The following TUB variants were observed in gnomAD, a reference collection of about 807,000 sequenced individuals.
TUB encodes TUB bipartite transcription factor, also known as tubby protein homolog.
Under a neutral mutation model 59.7 loss-of-function variants are expected in TUB, and 33 were observed. The ratio of observed to expected loss-of-function variants is 0.55; its 90% CI spans 0.42 to 0.74. TUB has a LOEUF of 0.74. Ranked by LOEUF, TUB falls within the 30% of genes least tolerant of loss-of-function variation. The probability of loss-of-function intolerance (pLI) is 0.00; values close to 1 mark genes in which losing one functional copy is unlikely to be tolerated. For missense variants in TUB, 659 were observed against 672.0 expected (o/e 0.98, Z 0.21); for synonymous variants, 293 against 256.4 (o/e 1.14, Z -1.36).
chr11:8,035,005 A>G (rs1009759183), upstream of TUB, among the ~76,000 whole-genome samples: 1 of 152,206 alleles, frequency 6.6e-6, no homozygotes, highest in Non-Finnish European at 1.5e-5. Flanking sequence ...TTGTCGCATG[A>G]TGCGTTTTCA....
chr11:8,062,748 G>A (rs1238096912), intron 2 of TUB, among the ~76,000 whole-genome samples: 3 of 152,028 alleles, frequency 2.0e-5, no homozygotes, highest in African/African-American at 7.2e-5. Flanking sequence ...GCAGGGCCCA[G>A]GAATCTTTAT....
chr11:8,051,280 T>A (rs546662426), intron 2 of TUB, among the ~76,000 whole-genome samples: 1 of 152,224 alleles, frequency 6.6e-6, no homozygotes, highest in African/African-American at 2.4e-5. Context: ...GTAAACTGTT[T>A]TGTCATCTAA....
At chr11:8,067,588 T>C (rs1351310624) in intron 2 of TUB, 1 of 152,228 alleles carries the variant, frequency 6.6e-6, no homozygotes, top group African/African-American at 2.4e-5. Context: ...CAAATATTTA[T>C]TAAACTCCTG....
chr11:8,057,715 T>C (rs954153124), intron 2 of TUB, among the ~76,000 whole-genome samples: 15 of 152,052 alleles, frequency 9.9e-5, no homozygotes, highest in Non-Finnish European at 5.9e-5. Flanking sequence ...CTGGGGAGTT[T>C]CTTCAGACCC....
intron 2 of TUB, among the ~76,000 whole-genome samples, chr11:8,073,340 G>T (rs953733957): frequency 6.6e-6 from 1 of 152,134 alleles, no homozygotes; most frequent in African/African-American, 2.4e-5. Flanking sequence ...TGCATTTCAG[G>T]GACTGATTCC....
intron 1 of TUB, among the ~76,000 whole-genome samples, chr11:8,023,530 A>G (rs1047858370): frequency 5.3e-5 from 8 of 152,170 alleles, no homozygotes. Context: ...AGAAATCTAT[A>G]TCTTCAACTC....
In TUB at chr11:8,097,440, G is replaced by C; in HGVS notation, c.885+15G>C. ...ATGGGAAGAAGGTAAGGTTGGTCTG[G>C]GCATGTTATCATCTAGGCTTTACAG... On this transcript the variant is annotated intron_variant, in intron 7 of 11. Coordinates refer to ENST00000299506, the MANE Select transcript of TUB (RefSeq NM_177972.3). 1 of 1,614,186 alleles carries C rather than the reference G, an allele frequency of 6.2e-7. No homozygotes were observed. Among genetic ancestry groups the C allele is most frequent in the East Asian group, 2.2e-5 (1 of 44,890 alleles).
chr11:8,058,923 T>C (rs1412867882), intron 2 of TUB, among the ~76,000 whole-genome samples: 1 of 152,236 alleles, frequency 6.6e-6, no homozygotes, highest in African/African-American at 2.4e-5. Flanking sequence ...ATACATCCTT[T>C]GTGTCAGTAA....
At chr11:8,088,650 A>C (rs10743050) in intron 1 of TUB, among the ~76,000 whole-genome samples, 112,492 of 152,204 alleles carry the variant, frequency 0.74, 44,179 homozygotes, top group East Asian at 0.94. Flanking sequence ...CAGAGCTCAG[A>C]TCCTCAGGCT....
intron 2 of TUB, among the ~76,000 whole-genome samples, chr11:8,069,797 C>G (rs915762036): frequency 1.1e-4 from 16 of 152,142 alleles, no homozygotes; most frequent in African/African-American, 3.9e-4. Context: ...CATGGGCATC[C>G]ACACAGGTCA....
At chr11:8,044,023 G>A (rs1421154517) in intron 2 of TUB, among the ~76,000 whole-genome samples, 2 of 150,256 alleles carry the variant, frequency 1.3e-5, no homozygotes, top group African/African-American at 2.5e-5. Flanking sequence ...TCTCTTTATC[G>A]TTGGCTTTCA....
At chr11:8,091,289 CCA>C (rs1399594025) in intron 3 of TUB, among the ~76,000 whole-genome samples, 1 of 152,136 alleles carries the variant, frequency 6.6e-6, no homozygotes, top group Middle Eastern at 3.2e-3. Flanking sequence ...TGCCTGGTGC[CCA>C]GTTTGTGGCT....
rs1331422416 is a variant in TUB at position 8,097,840 on chromosome 11, C to T, written c.998+14C>T. On this transcript the variant is annotated intron_variant, in intron 8 of 11. Coordinates refer to ENST00000299506, the MANE Select transcript of TUB (RefSeq NM_177972.3). ...CGGGAAACTGCGGTACTAGCATTCC[C>T]CCAGGAAGCAGGCGGGAGTGGGAGG... The T allele has an allele frequency of 1.2e-6, 2 of 1,608,150 alleles. No individual in the cohort carries two copies. The highest frequency in any genetic ancestry group is 4.5e-5 in the East Asian group (2 of 44,842).
At chr11:8,081,755 C>A (rs1208124388) in intron 1 of TUB, among the ~76,000 whole-genome samples, 1 of 152,218 alleles carries the variant, frequency 6.6e-6, no homozygotes, top group African/African-American at 2.4e-5. Context: ...CCTTATCTGC[C>A]AGGGTTGCTG....
upstream of TUB, among the ~76,000 whole-genome samples, chr11:8,036,254 G>A (rs76880929): frequency 9.3e-4 from 141 of 152,202 alleles, 1 homozygote; most frequent in African/African-American, 3.3e-3. Flanking sequence ...TGCCCTGCCT[G>A]TTCCACTCTG....
intron 2 of TUB, among the ~76,000 whole-genome samples, chr11:8,057,824 G>T (rs754985734): frequency 6.6e-6 from 1 of 152,126 alleles, no homozygotes; most frequent in Admixed American, 6.5e-5. Flanking sequence ...AAAACTCTTG[G>T]TGGGCTTTTG....
chr11:8,044,301 C>T (rs916753830), intron 2 of TUB, among the ~76,000 whole-genome samples: 6 of 152,110 alleles, frequency 3.9e-5, no homozygotes, highest in Admixed American at 1.3e-4. Flanking sequence ...TTTGAATTTA[C>T]GAATCTTTGC....
At chr11:8,085,193 A>G (rs2133822506) in intron 1 of TUB, among the ~76,000 whole-genome samples, 1 of 152,298 alleles carries the variant, frequency 6.6e-6, no homozygotes, top group East Asian at 1.9e-4. Flanking sequence ...TTCTTTAGAG[A>G]TCACCAGCTG....
intron 2 of TUB, among the ~76,000 whole-genome samples, chr11:8,072,971 A>C (rs926867219): frequency 6.6e-6 from 1 of 152,246 alleles, no homozygotes; most frequent in African/African-American, 2.4e-5. Flanking sequence ...GAGAACGTTT[A>C]GTGCTAAAAG....
Sources: allele counts gnomAD v4.1 joint callset (sites outside exome capture counted in the v4.1 genomes callset), GRCh38; gene constraint gnomAD v4.1.1; transcripts MANE v1.5; gene names NCBI Gene and HGNC (gene_info 2026-07-23, HGNC 2026-07-21).